The following FASN variants were observed in gnomAD, a reference collection of about 807,000 sequenced individuals.
FASN encodes 3-hydroxyacyl-[acyl-carrier-protein] dehydratase.
In FASN, 50 loss-of-function variants were observed where a neutral mutation model predicts 250.0. That is an observed-to-expected ratio of 0.20 (90% CI 0.16 to 0.25). The LOEUF (loss-of-function observed/expected upper bound fraction) is 0.25. Ranked by LOEUF, FASN falls within the 10% of genes least tolerant of loss-of-function variation. FASN has a pLI of 1.00. For missense variants in FASN, 3,031 were observed against 3,498.5 expected (o/e 0.87, Z 3.37); for synonymous variants, 1,909 against 1,584.0 (o/e 1.21, Z -4.87).
intron 3 of FASN, among the ~76,000 whole-genome samples, chr17:82,095,069 G>C (rs1393255115): frequency 6.6e-6 from 1 of 152,304 alleles, no homozygotes; most frequent in Non-Finnish European, 1.5e-5. Flanking sequence ...GCACCAGCCA[G>C]ACATCAGAAG....
intron 11 of FASN, among the ~76,000 whole-genome samples, chr17:82,089,971 C>G (rs781191403): frequency 6.6e-6 from 1 of 152,240 alleles, no homozygotes; most frequent in Non-Finnish European, 1.5e-5. Context: ...CCCCTCAGTC[C>G]TCTGCAGCCA....
At chr17:82,083,469 A>G (rs370628658) in intron 31 of FASN, 44 bp from the exon 32 acceptor site, 3 of 1,612,624 alleles carry the variant, frequency 1.9e-6, no homozygotes, top group Non-Finnish European at 2.5e-6. Flanking sequence ...CCACAGGTCC[A>G]CCCACACCCA....
chr17:82,095,512 GC>G, intron 2 of FASN, 40 bp from the exon 3 acceptor site: 1 of 1,607,606 alleles, frequency 6.2e-7, no homozygotes, highest in Non-Finnish European at 8.5e-7. Flanking sequence ...GACGGAAGCT[GC>G]CCAGAGGTGG....
In FASN at chr17:82,087,129, C is replaced by T. The variant is rs755097792; in HGVS notation, c.3348G>A (p.Lys1116=). 4.3e-6 allele frequency: 7 copies of T among 1,612,190 alleles called. No homozygotes were observed. The African/African-American group carries it at 8.0e-5, about 18-fold the overall frequency. Residue 1116 remains lysine (K), a synonymous_variant, in exon 21 of 43, where the codon AAG becomes AAA. Transcript: ENST00000306749. ...CCTCCGTGTGGGGAGTGAAGCAAAA[C>T]TTCTCCAGGATGGGCACCTGCTGCT... ...QQEQQVPILE[K]FCFTPHTEEG...
chr17:82,094,190 G>A, intron 3 of FASN: 1 of 328,446 alleles, frequency 3.0e-6, no homozygotes, highest in South Asian at 2.6e-5. Flanking sequence ...AGGGCAGCCT[G>A]CACCAGAACA....
At position 82,089,288 on chromosome 17, in the gene FASN, C is replaced by T. The variant is rs754458752; in HGVS notation, c.2062G>A (p.Glu688Lys). The T allele has an allele frequency of 1.2e-6, 2 of 1,612,722 alleles. No individual in the cohort carries two copies. The highest frequency in any genetic ancestry group is 1.7e-6 in the Non-Finnish European group (2 of 1,179,948). ...GGMAFHSYFM[E>K]AIAPPLLQEL... The stretch of plus-strand genomic sequence containing the variant: ...TGCAGCAGTGGGGGTGCGATGGCCT[C>T]CATGAAGTAGGAGTGGAAGGCCATA... Residue 688 changes from glutamate (E) to lysine (K), a missense_variant, in exon 13 of 43, where the codon GAG becomes AAG. By Grantham distance (56) the Glu-to-Lys change is moderately conservative (BLOSUM62 1). Coordinates refer to ENST00000306749, the MANE Select transcript of FASN (RefSeq NM_004104.5).
At position 82,088,979 on chromosome 17, in the gene FASN, G is replaced by T; in HGVS notation, c.2294C>A (p.Ala765Asp). Reference sequence around the variant, plus strand: ...CCAGGCTGGGCCTACCTGCAGCAGGGCGTGGGGCGCGATCTCCAGCACCAC... The same window carrying T: ...CCAGGCTGGGCCTACCTGCAGCAGGTCGTGGGGCGCGATCTCCAGCACCAC... The part of the protein sequence containing the change: ...HAVVLEIAPH[A>D]LLQAVLKRGL... Residue 765 changes from alanine (A) to aspartate (D), a missense_variant, in exon 14 of 43, where the codon GCC (alanine) becomes GAC (aspartate). Ala to Asp is a moderately radical substitution (Grantham distance 126). Coordinates refer to ENST00000306749, the MANE Select transcript of FASN (RefSeq NM_004104.5). The T allele has an allele frequency of 6.2e-7, 1 of 1,609,096 alleles. No individual in the cohort carries two copies. The highest frequency in any genetic ancestry group is 8.5e-7 in the Non-Finnish European group (1 of 1,178,392).
Position 82,084,782 on chromosome 17 carries a change from C to A in FASN, c.4564+17G>T, listed in dbSNP as rs1439777742. Reference sequence around the variant, plus strand: ...GTGCAGTCTCCCGGGAGGGGCAGGGCAGTGTCGGGGGCTCACCCTCCTCCA... The same window carrying A: ...GTGCAGTCTCCCGGGAGGGGCAGGGAAGTGTCGGGGGCTCACCCTCCTCCA... On this transcript the variant is annotated intron_variant, in intron 26 of 42. Transcript: ENST00000306749. 3 of 1,550,080 alleles carry A rather than the reference C, an allele frequency of 1.9e-6. No homozygotes were observed. Among genetic ancestry groups the A allele is most frequent in the Non-Finnish European group, 2.6e-6 (3 of 1,147,046 alleles).
Position 82,088,811 on chromosome 17 carries a change from C to T in FASN, c.2370G>A (p.Arg790=), listed in dbSNP as rs1303109868. ...TIIPLMKKDH[R]DNLEFFLAGI... is the part of the protein sequence containing the mutation. ...CGGCCAGGAAGAACTCCAGGTTGTCCCTGTGATCCTTCTTCATCAGGGGGA... is the reference window on the plus strand; with the variant it reads ...CGGCCAGGAAGAACTCCAGGTTGTCTCTGTGATCCTTCTTCATCAGGGGGA... The change falls in exon 15 of 43, where the codon AGG becomes AGA. Residue 790 remains arginine (R), a synonymous_variant. Coordinates refer to ENST00000306749, the MANE Select transcript of FASN (RefSeq NM_004104.5). The T allele has an allele frequency of 6.2e-7, 1 of 1,612,456 alleles. No homozygotes were observed. The highest frequency in any genetic ancestry group is 8.5e-7 in the Non-Finnish European group (1 of 1,179,850).
Position 82,090,525 on chromosome 17 carries a change from G to C in FASN, c.1720C>G (p.Pro574Ala). The C allele has an allele frequency of 6.2e-7, 1 of 1,611,922 alleles. No individual in the cohort carries two copies. ...AGGGAGTGGCCGACGATGCCATCTG[G>C]CCTCAGCCCCATGCAGCTCAGCAGG... ...IDLLSCMGLRPDGIVGHSLGE... is the reference protein window; with the variant it reads ...IDLLSCMGLRADGIVGHSLGE... Residue 574 changes from proline (P) to alanine (A), a missense_variant, in exon 11 of 43, where the codon CCA (proline) becomes GCA (alanine). Transcript: ENST00000306749.
rs776333309 is a variant in FASN, at chr17:82,087,792, G to A, written c.2936C>T (p.Pro979Leu). The A allele has an allele frequency of 6.2e-7, 1 of 1,612,650 alleles. No individual in the cohort carries two copies. Among genetic ancestry groups the A allele is most frequent in the Non-Finnish European group, 8.5e-7 (1 of 1,179,954 alleles). Reference sequence around the variant, plus strand: ...CTGGGCCAGGAAGAGGGGCTCCGTGGGGTTGGGGGTGGGGCTTTCCGGGTG... The same window carrying A: ...CTGGGCCAGGAAGAGGGGCTCCGTGAGGTTGGGGGTGGGGCTTTCCGGGTG... ...FDHPESPTPN[P>L]TEPLFLAQAE... is the part of the protein sequence containing the mutation. The change falls in exon 19 of 43, where the codon CCC (proline) becomes CTC (leucine). Residue 979 changes from proline to leucine, a missense_variant. Pro to Leu is a moderately conservative substitution (Grantham distance 98, BLOSUM62 -3). Coordinates refer to ENST00000306749, the MANE Select transcript of FASN (RefSeq NM_004104.5).
intron 22 of FASN, 79 bp from the exon 23 acceptor site, chr17:82,085,950 G>T: frequency 7.0e-7 from 1 of 1,427,420 alleles, no homozygotes; most frequent in Non-Finnish European, 9.2e-7. Flanking sequence ...TGTCCATGAG[G>T]CCTCAGTCTG....
intron 8 of FASN, 39 bp downstream of exon 8, chr17:82,092,416 G>A (rs1350380968): frequency 1.3e-6 from 2 of 1,549,026 alleles, no homozygotes; most frequent in Non-Finnish European, 1.7e-6. Flanking sequence ...GTCCCAGGGA[G>A]CAGGAGCCTG....
chr17:82,093,643 G>A lies in FASN; in HGVS notation c.409C>T (p.Arg137Ter), dbSNP rs1195307715. The A allele has an allele frequency of 1.2e-6, 2 of 1,612,776 alleles. No individual in the cohort carries two copies. Among genetic ancestry groups the A allele is most frequent in the Admixed American group, 1.7e-5 (1 of 60,024 alleles). The change falls in exon 4 of 43, where the codon CGA becomes TGA. Residue 137 changes from arginine to a stop codon, truncating the protein, a stop_gained. Transcript: ENST00000306749. LOFTEE classifies it high-confidence loss of function. ...GAGAGCCGGTTGGCCATCATCGCTC[G>A]CTGGCAGCCCACCATGCTGTAGCCC... The part of the protein sequence containing the change: ...LVGYSMVGCQ[R>*]AMMANRLSFF...
Position 82,080,153 on chromosome 17 carries a change from A to T in FASN, c.7133T>A (p.Met2378Lys). Residue 2378 changes from methionine (M) to lysine (K), a missense_variant, in exon 41 of 43, where the codon ATG becomes AAG. Transcript: ENST00000306749. ...TCCAGGACCCACCCTGTTGTGCTCC[A>T]TGTCCGTGAACTGCTGCACGAAGAA... ...ICFFVQQFTD[M>K]EHNRVLEALL... The T allele has an allele frequency of 6.2e-7, 1 of 1,613,132 alleles. No homozygotes were observed. Among genetic ancestry groups the T allele is most frequent in the East Asian group, 2.2e-5 (1 of 44,884 alleles).
In FASN at chr17:82,078,645, A is replaced by C; in HGVS notation, c.*498T>G. ...GGGACTGGCCCACGACCCCCCACTCAGCGGGCTGAGCCAATGCCTGGCCGA... is the reference window on the plus strand; with the variant it reads ...GGGACTGGCCCACGACCCCCCACTCCGCGGGCTGAGCCAATGCCTGGCCGA... On this transcript the variant is annotated 3_prime_UTR_variant, in exon 43 of 43. Transcript: ENST00000306749. This position sits in a 1 kb window ranked among gnomAD's most constrained non-coding sequence, Gnocchi z 5.4. 1 of 217,346 alleles carries C rather than the reference A, an allele frequency of 4.6e-6. No homozygotes were observed. Among genetic ancestry groups the C allele is most frequent in the Non-Finnish European group, 9.4e-6 (1 of 106,884 alleles). 13.5% of individuals were successfully genotyped at this position (217,346 alleles called of 1,614,324 possible).
At chr17:82,093,886 G>C in intron 3 of FASN, 115 bp from the exon 4 acceptor site, 2 of 1,154,194 alleles carry the variant, frequency 1.7e-6, no homozygotes, top group East Asian at 2.6e-5. Context: ...TTGGGGTGAG[G>C]GGGGGTCCAT....
chr17:82,089,204 T>C, intron 13 of FASN, 32 bp from the exon 14 acceptor site: 1 of 1,604,612 alleles, frequency 6.2e-7, no homozygotes, highest in Non-Finnish European at 8.5e-7. Context: ...TGCTGGGTTG[T>C]GGGTCCCCTG....
intron 2 of FASN, among the ~76,000 whole-genome samples, chr17:82,095,817 C>G (rs891260931): frequency 7.2e-5 from 11 of 152,238 alleles, no homozygotes; most frequent in Admixed American, 2.0e-4. Flanking sequence ...GGTAGAGCTG[C>G]TCTGTGGAAG....
Sources: gnomAD v4.1 joint callset for allele counts (sites outside exome capture counted in the v4.1 genomes callset) on GRCh38, gnomAD v4.1.1 for gene constraint, Gnocchi (gnomAD v3.1) non-coding constraint, MANE v1.5 for transcripts, NCBI Gene and HGNC (gene_info 2026-07-23, HGNC 2026-07-21) for gene names.